Variants in STOX2 observed in about 807,000 individuals in gnomAD.
STOX2 encodes storkhead-box protein 2.
A neutral mutation model predicts 60.9 loss-of-function variants in STOX2; 28 were observed. That is an observed-to-expected ratio of 0.46 (90% CI 0.34 to 0.63). The LOEUF (loss-of-function observed/expected upper bound fraction) is 0.63, where lower values mean the gene tolerates loss of function less well. STOX2 is among the 30% of genes least tolerant of loss of function. The probability of loss-of-function intolerance (pLI) is 0.01; values close to 1 mark genes in which losing one functional copy is unlikely to be tolerated. For missense variants in STOX2, 1,024 were observed against 1,187.7 expected (o/e 0.86, Z 2.03); for synonymous variants, 472 against 463.9 (o/e 1.02, Z -0.22).
intron 1 of STOX2, among the ~76,000 whole-genome samples, chr4:183,984,250 G>C (rs945709378): frequency 6.6e-6 from 1 of 152,176 alleles, no homozygotes. Flanking sequence ...TCTTTCACCT[G>C]TCCAGATTCT....
chr4:184,007,045 A>AAAAAAAAAAAC lies in STOX2; in HGVS notation c.320-2110_320-2109insAAAAAAACAAA, dbSNP rs1553987519. 5.9e-5 allele frequency among the ~76,000 whole-genome samples: 7 copies of AAAAAAAAAAAC among 118,474 alleles called. 1 individual carries two copies. Among genetic ancestry groups the AAAAAAAAAAAC allele is most frequent in the Admixed American group, 1.8e-4 (2 of 11,112 alleles). The allele number at this position is 118,474 out of a possible 152,430, so 77.7% of individuals were successfully genotyped here. Reference sequence around the variant, plus strand: ...AAAAAAAAAAAAACAAAACAAAAAAAAAATTTTGTTATTATTGGTCTTAAA... The same window carrying AAAAAAAAAAAC: ...AAAAAAAAAAAAACAAAACAAAAAAAAAAAAAAAAACAAATTTTGTTATTATTGGTCTTAAA... On this transcript the variant is annotated intron_variant, in intron 2 of 3. Transcript: ENST00000308497.
intron 1 of STOX2, among the ~76,000 whole-genome samples, chr4:183,940,417 A>G (rs1403998720): frequency 6.6e-6 from 1 of 152,380 alleles, no homozygotes; most frequent in East Asian, 1.9e-4. Flanking sequence ...ATTCTTAAAT[A>G]AGCCCGGTTA....
chr4:183,879,910 G>C (rs1300745886), intron 1 of STOX2, among the ~76,000 whole-genome samples: 1 of 152,168 alleles, frequency 6.6e-6, no homozygotes, highest in Non-Finnish European at 1.5e-5. Context: ...TCGGAAGTCA[G>C]AGACCTAGGG....
rs551085029 is a variant in STOX2, at chr4:183,974,806, G to A, written c.167-26519G>A. ...TGCAAGAACAAGTAGATAGAATAGC[G>A]GTAAGGATATGGAAAAACTGAACAA... is the stretch of plus-strand genomic sequence containing the variant. On this transcript the variant is annotated intron_variant, in intron 1 of 3. Transcript: ENST00000308497. Among the ~76,000 whole-genome samples the A allele has an allele frequency of 7.2e-5, 11 of 152,184 alleles. No homozygotes were observed. In the East Asian group the frequency reaches 9.6e-4, roughly 13 times the overall value.
chr4:183,818,181 G>A (rs1213306139), intron 1 of STOX2, among the ~76,000 whole-genome samples: 2 of 151,896 alleles, frequency 1.3e-5, no homozygotes, highest in African/African-American at 4.8e-5. Context: ...ACAGTGGAGG[G>A]AAGGTCAGCA....
At chr4:183,972,681 T>C (rs960364873) in intron 1 of STOX2, among the ~76,000 whole-genome samples, 1 of 152,142 alleles carries the variant, frequency 6.6e-6, no homozygotes, top group African/African-American at 2.4e-5. Context: ...TAAAAAAAAA[T>C]TCAACATTGT....
chr4:183,970,230 T>G (rs1018228187), intron 1 of STOX2, among the ~76,000 whole-genome samples: 6 of 150,882 alleles, frequency 4.0e-5, no homozygotes, highest in African/African-American at 1.5e-4. Flanking sequence ...GAAATCAGCT[T>G]TTGTTTGCTT....
intron 1 of STOX2, among the ~76,000 whole-genome samples, chr4:183,883,008 C>CT (rs368943824): frequency 4.6e-5 from 7 of 151,478 alleles, no homozygotes; most frequent in East Asian, 3.9e-4. Context: ...ATAACTGTTG[C>CT]TTTTTTTTTC....
chr4:183,917,551 A>C (rs1741966603), intron 1 of STOX2, among the ~76,000 whole-genome samples: 1 of 152,240 alleles, frequency 6.6e-6, no homozygotes, highest in Admixed American at 6.5e-5. Context: ...TGGTTTTCAA[A>C]TAACTGAAAG....
chr4:183,817,508 G>A (rs1739180856), intron 1 of STOX2, among the ~76,000 whole-genome samples: 1 of 152,192 alleles, frequency 6.6e-6, no homozygotes, highest in Non-Finnish European at 1.5e-5. Flanking sequence ...GTGGAGCATT[G>A]TGTATTTGGT....
At chr4:183,876,575 A>G (rs1560858885) in intron 1 of STOX2, among the ~76,000 whole-genome samples, 1 of 152,240 alleles carries the variant, frequency 6.6e-6, no homozygotes, top group Non-Finnish European at 1.5e-5. Flanking sequence ...AGAGGTTGCC[A>G]GCGCCAGTGG....
At chr4:183,915,215 C>G (rs1454457138) in intron 1 of STOX2, among the ~76,000 whole-genome samples, 1 of 152,192 alleles carries the variant, frequency 6.6e-6, no homozygotes, top group African/African-American at 2.4e-5. Flanking sequence ...CCTTATCCGT[C>G]TGATGGCCGT....
chr4:183,926,717 G>C (rs768781825), intron 1 of STOX2, among the ~76,000 whole-genome samples: 1 of 151,706 alleles, frequency 6.6e-6, no homozygotes, highest in African/African-American at 2.4e-5. Flanking sequence ...TCCACCTCCC[G>C]GGTTCAAGCA....
In STOX2 at chr4:183,827,603, C is replaced by G. The variant is rs544819256; in HGVS notation, c.364+29548C>G. On this transcript the variant is annotated intron_variant, in intron 1 of 2. Transcript: ENST00000513034. Reference sequence around the variant, plus strand: ...CATGGCCCATGTTGTTTCATTGGTGCTGTCACCTCTATCTTCACTTTGGGT... The same window carrying G: ...CATGGCCCATGTTGTTTCATTGGTGGTGTCACCTCTATCTTCACTTTGGGT... Among the ~76,000 whole-genome samples, 223 of 152,308 alleles carry G rather than the reference C, an allele frequency of 1.5e-3. 2 individuals are homozygous for G. Among genetic ancestry groups the G allele is most frequent in the African/African-American group, 5.2e-3 (217 of 41,572 alleles).
chr4:183,936,703 T>C (rs902696670), intron 1 of STOX2, among the ~76,000 whole-genome samples: 15 of 152,154 alleles, frequency 9.9e-5, no homozygotes, highest in Non-Finnish European at 2.2e-4. Context: ...GTGCATGGAA[T>C]TGTTGAATAT....
intron 1 of STOX2, among the ~76,000 whole-genome samples, chr4:183,971,200 TAGG>T (rs1691956354): frequency 6.6e-6 from 1 of 152,188 alleles, no homozygotes. Context: ...GAAGTAAAAG[TAGG>T]AGGACTGAAC....
At chr4:183,969,606 A>G (rs1033206844) in intron 1 of STOX2, among the ~76,000 whole-genome samples, 2 of 150,078 alleles carry the variant, frequency 1.3e-5, no homozygotes, top group African/African-American at 4.9e-5. Flanking sequence ...CTTTGAACTT[A>G]CCATTTTCAG....
At position 184,009,882 on chromosome 4, in the gene STOX2, G is replaced by A. The variant is rs1412969007; in HGVS notation, c.1044G>A (p.Gly348=). The A allele has an allele frequency of 8.7e-6, 14 of 1,612,064 alleles. No individual in the cohort carries two copies. In the South Asian group the frequency reaches 1.3e-4, roughly 15 times the overall value. ...AAAAGGCCCAGAGGAGTAAAGCCGG[G>A]TCCTCTGCCCATCACAGCGGAAGGA... ...EEEKAQRSKA[G]SSAHHSGRSK... Residue 348 remains glycine (G), a synonymous_variant, in exon 3 of 4, where the codon GGG becomes GGA. Transcript: ENST00000308497. The surrounding 1 kb of genome is among the most constrained non-coding windows in gnomAD (Gnocchi z 4.0).
intron 1 of STOX2, among the ~76,000 whole-genome samples, chr4:183,941,830 A>G (rs1280210763): frequency 7.9e-5 from 12 of 152,206 alleles, no homozygotes; most frequent in Admixed American, 3.9e-4. Context: ...TGAATATTTT[A>G]TTGTACACTT....
Sources: allele counts gnomAD v4.1 joint callset (sites outside exome capture counted in the v4.1 genomes callset), GRCh38; gene constraint gnomAD v4.1.1; non-coding constraint Gnocchi (gnomAD v3.1); transcripts MANE v1.5; gene names NCBI Gene and HGNC (gene_info 2026-07-23, HGNC 2026-07-21).